Variants in ESRRG observed in about 807,000 individuals in gnomAD.
ESRRG encodes the protein estrogen related receptor gamma.
A neutral mutation model predicts 44.0 loss-of-function variants in ESRRG; 13 were observed. The observed-to-expected ratio is 0.30, with a 90% CI of 0.19 to 0.47. The LOEUF (loss-of-function observed/expected upper bound fraction) is 0.47, where lower values mean the gene tolerates loss of function less well. ESRRG is among the 20% of genes least tolerant of loss of function. The pLI is 1.00. For missense variants in ESRRG, 395 were observed against 580.6 expected (o/e 0.68, Z 3.29); for synonymous variants, 215 against 214.6 (o/e 1.00, Z -0.02).
chr1:216,841,661 T>C (rs1030885582), intron 2 of ESRRG, among the ~76,000 whole-genome samples: 1 of 152,102 alleles, frequency 6.6e-6, no homozygotes, highest in Admixed American at 6.6e-5. Context: ...GTTTACTTTA[T>C]CACGCCAGCA....
At chr1:217,034,255 A>C (rs182994513) in intron 1 of ESRRG, among the ~76,000 whole-genome samples, 1 of 152,318 alleles carries the variant, frequency 6.6e-6, no homozygotes, top group Non-Finnish European at 1.5e-5. Flanking sequence ...CAGGGATAAA[A>C]CGGCTTGCTG....
At chr1:216,880,834 CAATG>C (rs1386929481) in intron 2 of ESRRG, among the ~76,000 whole-genome samples, 1 of 151,998 alleles carries the variant, frequency 6.6e-6, no homozygotes, top group Non-Finnish European at 1.5e-5. Context: ...TAAAAGTTTT[CAATG>C]AAAGACAAAT....
At chr1:216,687,294 G>A (rs1378599144) in intron 1 of ESRRG, among the ~76,000 whole-genome samples, 1 of 152,046 alleles carries the variant, frequency 6.6e-6, no homozygotes, top group Non-Finnish European at 1.5e-5. Flanking sequence ...GTTGGCGGAA[G>A]GGCAATTCCC....
intron 1 of ESRRG, among the ~76,000 whole-genome samples, chr1:216,972,796 C>T (rs1014657179): frequency 6.6e-6 from 1 of 152,052 alleles, no homozygotes; most frequent in East Asian, 1.9e-4. Flanking sequence ...GCAACAAGAA[C>T]AAAGTAAATA....
At chr1:216,673,113 C>T (rs371020061) in intron 2 of ESRRG, among the ~76,000 whole-genome samples, 1 of 151,970 alleles carries the variant, frequency 6.6e-6, no homozygotes, top group Non-Finnish European at 1.5e-5. Context: ...GGAGAGACTA[C>T]GATCTGTTAA....
chr1:216,878,239 A>G (rs910308796), intron 2 of ESRRG, among the ~76,000 whole-genome samples: 1 of 152,156 alleles, frequency 6.6e-6, no homozygotes, highest in South Asian at 2.1e-4. Flanking sequence ...CTGCCTGATC[A>G]TATACTTTGC....
intron 5 of ESRRG, among the ~76,000 whole-genome samples, chr1:216,520,048 A>G (rs900919029): frequency 2.0e-5 from 3 of 152,136 alleles, no homozygotes; most frequent in Admixed American, 6.6e-5. Flanking sequence ...GGTATAAAAG[A>G]AAGTGTAATA....
intron 2 of ESRRG, among the ~76,000 whole-genome samples, chr1:216,894,656 G>A (rs192163472): frequency 6.6e-6 from 1 of 152,198 alleles, no homozygotes; most frequent in African/African-American, 2.4e-5. Context: ...TGGGGACTCG[G>A]GAAAGAGGCA....
chr1:216,829,047 T>C (rs1209243593), intron 2 of ESRRG, among the ~76,000 whole-genome samples: 5 of 152,204 alleles, frequency 3.3e-5, no homozygotes, highest in Non-Finnish European at 7.3e-5. Flanking sequence ...TGTCTTTAAG[T>C]GACATTTCTT....
At chr1:216,535,770 G>C (rs2050756215) in intron 5 of ESRRG, among the ~76,000 whole-genome samples, 1 of 151,744 alleles carries the variant, frequency 6.6e-6, no homozygotes, top group Non-Finnish European at 1.5e-5. Flanking sequence ...TTCCATACTG[G>C]CTTTTCCCCA....
At chr1:217,053,197 G>A (rs1233918693) in intron 1 of ESRRG, among the ~76,000 whole-genome samples, 1 of 151,134 alleles carries the variant, frequency 6.6e-6, no homozygotes, top group Non-Finnish European at 1.5e-5. Context: ...GCTCATGCCT[G>A]TAATCCCAGA....
chr1:216,530,082 A>G (rs1007494988), intron 5 of ESRRG, among the ~76,000 whole-genome samples: 1 of 137,862 alleles, frequency 7.3e-6, no homozygotes, highest in Non-Finnish European at 1.5e-5. Flanking sequence ...ACTGCACTCC[A>G]GCCTGGGTGG....
intron 1 of ESRRG, among the ~76,000 whole-genome samples, chr1:216,954,655 T>G (rs1294843501): frequency 2.6e-5 from 4 of 152,146 alleles, no homozygotes; most frequent in African/African-American, 4.8e-5. Context: ...CCTAATCAGG[T>G]TCTAAATGTA....
intron 2 of ESRRG, 70 bp from the exon 3 acceptor site, chr1:216,651,159 A>G: frequency 1.0e-6 from 1 of 970,848 alleles, no homozygotes; most frequent in East Asian, 2.4e-5. Flanking sequence ...CCCAAAGGCA[A>G]TGTCAACTCT....
intron 2 of ESRRG, among the ~76,000 whole-genome samples, chr1:216,676,518 C>G (rs924372133): frequency 2.0e-5 from 3 of 151,670 alleles, no homozygotes; most frequent in African/African-American, 7.3e-5. Context: ...AAAATTGGTC[C>G]CTGGACCGGC....
intron 1 of ESRRG, among the ~76,000 whole-genome samples, chr1:216,691,740 C>G (rs576642537): frequency 2.0e-5 from 3 of 152,308 alleles, no homozygotes; most frequent in Admixed American, 2.0e-4. Context: ...ATCTGGGTGT[C>G]CAGACCTGGC....
At chr1:216,818,336 C>T (rs1210724905) in intron 2 of ESRRG, among the ~76,000 whole-genome samples, 2 of 152,174 alleles carry the variant, frequency 1.3e-5, no homozygotes, top group African/African-American at 4.8e-5. Flanking sequence ...ACTCACCTTC[C>T]CTTGCAGGGA....
At chr1:216,630,815 C>T (rs964173650) in intron 3 of ESRRG, among the ~76,000 whole-genome samples, 10 of 151,992 alleles carry the variant, frequency 6.6e-5, no homozygotes, top group African/African-American at 1.2e-4. Flanking sequence ...GTGAGTGTGA[C>T]GTCCACTGCA....
chr1:217,135,000 T>A lies in ESRRG; in HGVS notation c.-230+2667A>T, dbSNP rs955711320. 1.3e-5 allele frequency among the ~76,000 whole-genome samples: 2 copies of A among 152,180 alleles called. 1 individual carries two copies. The highest frequency in any genetic ancestry group is 2.9e-5 in the Non-Finnish European group (2 of 68,032). On this transcript the variant is annotated intron_variant, in intron 1 of 8. Transcript: ENST00000366940. Reference sequence around the variant, plus strand: ...ACTCTATTTCCGGCTAGTCCCAGCCTCTCCTTCCTCTCCTTTCCCCGCTTT... The same window carrying A: ...ACTCTATTTCCGGCTAGTCCCAGCCACTCCTTCCTCTCCTTTCCCCGCTTT...
Sources: gnomAD v4.1 joint callset for allele counts (sites outside exome capture counted in the v4.1 genomes callset) on GRCh38, gnomAD v4.1.1 for gene constraint, MANE v1.5 for transcripts, NCBI Gene and HGNC (gene_info 2026-07-23, HGNC 2026-07-21) for gene names.